CXADR: variants seen among roughly 807,000 people sequenced by gnomAD.
The protein encoded by CXADR is CXADR cell adhesion molecule, also known as coxsackievirus and adenovirus receptor.
Under a neutral mutation model 40.3 loss-of-function variants are expected in CXADR, and 20 were observed. The ratio of observed to expected loss-of-function variants is 0.50; its 90% CI spans 0.35 to 0.72. The LOEUF (loss-of-function observed/expected upper bound fraction) is 0.72, where lower values mean the gene tolerates loss of function less well. Among genes scored for constraint, CXADR ranks in the 30% least tolerant of loss-of-function variants. The probability of loss-of-function intolerance (pLI) is 0.01; values close to 1 mark genes in which losing one functional copy is unlikely to be tolerated. For missense variants in CXADR, 332 were observed against 449.1 expected (o/e 0.74, Z 2.36); for synonymous variants, 150 against 161.3 (o/e 0.93, Z 0.53).
intron 1 of CXADR, among the ~76,000 whole-genome samples, chr21:17,535,010 G>A (rs769909139): frequency 6.6e-6 from 1 of 152,036 alleles, no homozygotes; most frequent in African/African-American, 2.4e-5. Flanking sequence ...TCAAACTCTT[G>A]ATTTCAGGTG....
chr21:17,597,086 TATTAGGCCAAGGAG>T (rs2061513794), downstream of CXADR, among the ~76,000 whole-genome samples: 1 of 152,074 alleles, frequency 6.6e-6, no homozygotes, highest in Non-Finnish European at 1.5e-5. Context: ...TGCTAATGAG[TATTAGGCCAAGGAG>T]AAATGTTTTC....
intron 1 of CXADR, among the ~76,000 whole-genome samples, chr21:17,539,185 G>T (rs2060796835): frequency 6.6e-6 from 1 of 152,124 alleles, no homozygotes; most frequent in Non-Finnish European, 1.5e-5. Context: ...AGAAATTTAG[G>T]GTTGTGCTGG....
At chr21:17,607,044 C>T in the CXADR span, among the ~76,000 whole-genome samples, 1 of 152,302 alleles carries the variant, frequency 6.6e-6, no homozygotes, top group Admixed American at 6.5e-5. Context: ...ACTGAAGTCT[C>T]TACTAACTTG....
intron 1 of CXADR, among the ~76,000 whole-genome samples, chr21:17,520,120 ACT>A (rs2060511969): frequency 6.6e-6 from 1 of 151,754 alleles, no homozygotes; most frequent in African/African-American, 2.4e-5. Flanking sequence ...AATACCTAAC[ACT>A]CTTCACTCTC....
chr21:17,574,928 G>A (rs1055330545), downstream of CXADR, among the ~76,000 whole-genome samples: 1 of 139,588 alleles, frequency 7.2e-6, no homozygotes, highest in Non-Finnish European at 1.7e-5. Flanking sequence ...CCAAACTATG[G>A]GCACTTCACT....
At chr21:17,608,735 G>GTCC in the CXADR span, 17 of 397,850 alleles carry the variant, frequency 4.3e-5, no homozygotes, top group East Asian at 6.3e-4. Flanking sequence ...AACCACAAAA[G>GTCC]ACTAACTCCT....
intron 1 of CXADR, among the ~76,000 whole-genome samples, chr21:17,545,809 C>T (rs1430849178): frequency 5.4e-5 from 7 of 128,572 alleles, no homozygotes; most frequent in Non-Finnish European, 8.0e-5. Flanking sequence ...GACAGAGTTT[C>T]ACTGTTATTG....
At chr21:17,533,232 A>G (rs2060700869) in intron 1 of CXADR, among the ~76,000 whole-genome samples, 1 of 152,180 alleles carries the variant, frequency 6.6e-6, no homozygotes, top group Admixed American at 6.5e-5. Context: ...CAGTCAGATA[A>G]CCTAGTCTGA....
At chr21:17,580,236 T>C (rs1239935454) in intron 7 of CXADR, among the ~76,000 whole-genome samples, 1 of 152,204 alleles carries the variant, frequency 6.6e-6, no homozygotes, top group Admixed American at 6.5e-5. Flanking sequence ...TAGACAAGAG[T>C]TGGCGAAAAC....
intron 2 of CXADR, among the ~76,000 whole-genome samples, chr21:17,551,216 G>A (rs966728792): frequency 1.3e-5 from 2 of 152,088 alleles, no homozygotes; most frequent in African/African-American, 2.4e-5. Flanking sequence ...CCTGGCCAAC[G>A]TGGTGAAATC....
At chr21:17,593,317 A>G in exon 8 of CXADR, 1 of 859,840 alleles carries the variant, frequency 1.2e-6, no homozygotes, top group Middle Eastern at 2.6e-4. Context: ...GTAAGAACAC[A>G]TCTACTTTAT....
intron 1 of CXADR, among the ~76,000 whole-genome samples, chr21:17,536,577 A>C (rs2060760660): frequency 6.6e-6 from 1 of 152,082 alleles, no homozygotes; most frequent in Non-Finnish European, 1.5e-5. Flanking sequence ...TGACTGAATA[A>C]GTCTAGGGAC....
downstream of CXADR, among the ~76,000 whole-genome samples, chr21:17,596,492 T>C (rs1235975843): frequency 6.6e-6 from 1 of 152,020 alleles, no homozygotes; most frequent in Admixed American, 6.6e-5. Flanking sequence ...TTAGGTTCGT[T>C]TTTTTTCCTA....
chr21:17,598,893 CAA>C, the CXADR span: 2 of 1,256,278 alleles, frequency 1.6e-6, no homozygotes, highest in Non-Finnish European at 2.2e-6. Context: ...TCCATAAAAA[CAA>C]AGAGATCTGG....
chr21:17,633,510 G>A, the CXADR span, among the ~76,000 whole-genome samples: 7 of 152,142 alleles, frequency 4.6e-5, no homozygotes, highest in Admixed American at 1.3e-4. Context: ...AGCTGTGATC[G>A]TGCCACTGCA....
chr21:17,540,650 GT>G (rs1357751282), intron 1 of CXADR, among the ~76,000 whole-genome samples: 1 of 152,172 alleles, frequency 6.6e-6, no homozygotes, highest in Non-Finnish European at 1.5e-5. Context: ...GTTTTCAGAT[GT>G]TTTTGTGTTT....
the CXADR span, among the ~76,000 whole-genome samples, chr21:17,601,857 T>C: frequency 1.3e-5 from 2 of 152,224 alleles, no homozygotes; most frequent in Admixed American, 6.5e-5. Context: ...TATCTAATGA[T>C]TGAAGGATCA....
At chr21:17,572,099 C>T (rs2061281768), downstream of CXADR, among the ~76,000 whole-genome samples, 1 of 152,024 alleles carries the variant, frequency 6.6e-6, no homozygotes, top group Non-Finnish European at 1.5e-5. Flanking sequence ...GGGTGGCTCA[C>T]GCCTGTAATC....
At chr21:17,572,461 G>C (rs916364921), downstream of CXADR, among the ~76,000 whole-genome samples, 1 of 152,132 alleles carries the variant, frequency 6.6e-6, no homozygotes, top group Non-Finnish European at 1.5e-5. Flanking sequence ...GTTAACTTGC[G>C]CAAATACAGC....
Sources: gnomAD v4.1 joint callset for allele counts (sites outside exome capture counted in the v4.1 genomes callset) on GRCh38, gnomAD v4.1.1 for gene constraint, MANE v1.5 for transcripts, NCBI Gene and HGNC (gene_info 2026-07-23, HGNC 2026-07-21) for gene names.